MRTFB: variants seen among roughly 807,000 people sequenced by gnomAD.
The protein encoded by MRTFB is myocardin related transcription factor B.
MRTFB carries 29 observed loss-of-function variants against 104.2 expected under a neutral mutation model. That is an observed-to-expected ratio of 0.28 (90% CI 0.21 to 0.38). The LOEUF (loss-of-function observed/expected upper bound fraction) is 0.38, where lower values mean the gene tolerates loss of function less well. MRTFB is among the 10% of genes least tolerant of loss of function. MRTFB has a pLI of 1.00. For synonymous variants in MRTFB, 535 were observed against 519.5 expected (o/e 1.03, Z -0.41); for missense variants, 1,270 against 1,341.6 (o/e 0.95, Z 0.83).
rs1273236332 is a variant in MRTFB, at chr16:14,223,103, T to G, written c.693+4105T>G. ...AGGTGGATTGCTTGAGCTCAGAAGT[T>G]CAAGACCAGCCTGGGCATCATAGTG... On this transcript the variant is annotated intron_variant, in intron 8 of 16. Transcript: ENST00000571589. 4.6e-5 allele frequency among the ~76,000 whole-genome samples: 7 copies of G among 152,128 alleles called. No individual in the cohort carries two copies. The East Asian group carries it at 1.4e-3, about 29-fold the overall frequency.
chr16:14,095,908 G>GCTTACAATTTA (rs2035335860), intron 2 of MRTFB, among the ~76,000 whole-genome samples: 1 of 152,116 alleles, frequency 6.6e-6, no homozygotes, highest in South Asian at 2.1e-4. Context: ...CTTACAAGTA[G>GCTTACAATTTA]TGTCTAATGT....
At chr16:14,140,498 A>C in intron 2 of MRTFB, 46 bp from the exon 3 acceptor site, 2 of 1,378,656 alleles carry the variant, frequency 1.5e-6, no homozygotes, top group Non-Finnish European at 2.0e-6. Context: ...TGCAAATTGG[A>C]GAAACATAAC....
At chr16:14,228,724 T>C (rs533062549) in intron 8 of MRTFB, among the ~76,000 whole-genome samples, 3 of 152,268 alleles carry the variant, frequency 2.0e-5, no homozygotes, top group Admixed American at 2.0e-4. Flanking sequence ...TATTTATACG[T>C]TGGAATAGTA....
the MRTFB span, among the ~76,000 whole-genome samples, chr16:13,994,927 T>G: frequency 6.6e-6 from 1 of 152,182 alleles, no homozygotes. Context: ...GCCACTTTTG[T>G]CTGCTGGGCT....
At chr16:14,157,419 A>G (rs1218847561) in intron 3 of MRTFB, among the ~76,000 whole-genome samples, 1 of 152,208 alleles carries the variant, frequency 6.6e-6, no homozygotes, top group African/African-American at 2.4e-5. Context: ...TCTGATCAAA[A>G]TCTCTGTGGT....
chr16:14,243,549 TCA>T (rs1240288567), intron 10 of MRTFB, among the ~76,000 whole-genome samples: 1 of 152,210 alleles, frequency 6.6e-6, no homozygotes. Context: ...ACCAAGAGTA[TCA>T]CAGTTGGAAG....
the MRTFB span, among the ~76,000 whole-genome samples, chr16:14,006,995 C>T: frequency 2.6e-5 from 4 of 152,058 alleles, no homozygotes; most frequent in Admixed American, 6.6e-5. Flanking sequence ...CCGGCCTGGG[C>T]AACAGAGTGA....
intron 2 of MRTFB, among the ~76,000 whole-genome samples, chr16:14,081,315 A>G (rs889442333): frequency 6.4e-5 from 9 of 139,598 alleles, no homozygotes; most frequent in African/African-American, 2.5e-4. Context: ...TTTTTGAGAC[A>G]GAGTTTCACT....
In MRTFB at chr16:14,262,730, A is replaced by C. The variant is rs1044682520; in HGVS notation, c.*1286A>C. 4 of 152,258 alleles carry C rather than the reference A, an allele frequency of 2.6e-5. No individual in the cohort carries two copies. The highest frequency in any genetic ancestry group is 5.9e-5 in the Non-Finnish European group (4 of 68,036). The allele number at this position is 152,258 out of a possible 1,614,324, so 9.4% of individuals were successfully genotyped here. A position where few individuals can be genotyped will look rare whatever the true frequency, so the allele number is the denominator to read the frequency against. ...TAAGTCATTTCTTAAGAATTTTCTA[A>C]AATGCCAACTATCACAGGATTATTT... On this transcript the variant is annotated 3_prime_UTR_variant, in exon 17 of 17. Coordinates refer to ENST00000571589, the MANE Select transcript of MRTFB (RefSeq NM_001308142.2).
chr16:14,115,728 C>G (rs1050645399), intron 2 of MRTFB, among the ~76,000 whole-genome samples: 1 of 152,154 alleles, frequency 6.6e-6, no homozygotes, highest in Non-Finnish European at 1.5e-5. Flanking sequence ...TCTGATTTTG[C>G]TGCGTATAAT....
At chr16:14,161,363 T>A (rs1009447037) in intron 3 of MRTFB, among the ~76,000 whole-genome samples, 3 of 152,088 alleles carry the variant, frequency 2.0e-5, no homozygotes, top group Non-Finnish European at 2.9e-5. Context: ...AGTAACACAT[T>A]TGTGCAATGG....
intron 2 of MRTFB, among the ~76,000 whole-genome samples, chr16:14,133,833 A>G (rs961616403): frequency 7.9e-5 from 12 of 152,202 alleles, no homozygotes; most frequent in Non-Finnish European, 1.3e-4. Context: ...CCTCTAATCA[A>G]TTCTTATTCT....
intron 2 of MRTFB, among the ~76,000 whole-genome samples, chr16:14,106,151 C>G (rs1231612652): frequency 6.6e-6 from 1 of 152,176 alleles, no homozygotes; most frequent in South Asian, 2.1e-4. Context: ...AGGCAAGGTT[C>G]TCAACCCCAT....
At chr16:14,128,787 G>A (rs937142748) in intron 2 of MRTFB, among the ~76,000 whole-genome samples, 3 of 152,104 alleles carry the variant, frequency 2.0e-5, no homozygotes, top group Non-Finnish European at 4.4e-5. Flanking sequence ...CAATAATCTT[G>A]TACAGTATCA....
chr16:14,240,210 A>G (rs1421207799), intron 9 of MRTFB, 27 bp from the exon 10 acceptor site: 2 of 1,561,622 alleles, frequency 1.3e-6, no homozygotes, highest in South Asian at 2.5e-5. Flanking sequence ...ATCTCTTTAA[A>G]TGTTATTTTC....
chr16:14,096,833 A>G (rs1417270081), intron 2 of MRTFB, among the ~76,000 whole-genome samples: 1 of 152,138 alleles, frequency 6.6e-6, no homozygotes, highest in Non-Finnish European at 1.5e-5. Flanking sequence ...AGCTTTTTAC[A>G]TTCTTTGGTG....
chr16:14,060,801 C>T, the MRTFB span, among the ~76,000 whole-genome samples: 53 of 152,158 alleles, frequency 3.5e-4, no homozygotes, highest in African/African-American at 1.0e-3. Context: ...ATATATCAGG[C>T]GGGATAGGCT....
At chr16:14,162,515 T>C (rs2039081234) in intron 3 of MRTFB, among the ~76,000 whole-genome samples, 1 of 152,210 alleles carries the variant, frequency 6.6e-6, no homozygotes, top group Non-Finnish European at 1.5e-5. Context: ...GTTAAATAAA[T>C]TGTAATACTT....
chr16:14,181,421 T>C (rs1417886427), intron 3 of MRTFB, among the ~76,000 whole-genome samples: 1 of 152,142 alleles, frequency 6.6e-6, no homozygotes, highest in Non-Finnish European at 1.5e-5. Context: ...TCTGTGTAGA[T>C]TTTGTAATAC....
Sources: allele counts gnomAD v4.1 joint callset (sites outside exome capture counted in the v4.1 genomes callset), GRCh38; gene constraint gnomAD v4.1.1; transcripts MANE v1.5; gene names NCBI Gene and HGNC (gene_info 2026-07-23, HGNC 2026-07-21).